The following ABCB7 variants were observed in gnomAD, a reference collection of about 807,000 sequenced individuals.
ABCB7 encodes iron-sulfur clusters transporter ABCB7, mitochondrial.
ABCB7 carries 7 observed loss-of-function variants against 54.4 expected under a neutral mutation model. That is an observed-to-expected ratio of 0.13 (90% CI 0.07 to 0.24). The LOEUF (loss-of-function observed/expected upper bound fraction) is 0.24. Among genes scored for constraint, ABCB7 ranks in the 10% least tolerant of loss-of-function variants. The pLI is 1.00. For missense variants in ABCB7, 356 were observed against 570.4 expected (o/e 0.62, Z 3.83); for synonymous variants, 218 against 207.1 (o/e 1.05, Z -0.45).
intron 4 of ABCB7, among the ~76,000 whole-genome samples, chrX:75,077,026 T>C (rs2081416060): frequency 8.9e-6 from 1 of 112,236 alleles, no homozygotes; most frequent in Admixed American, 9.5e-5. Context: ...TATATTTCCC[T>C]TTCCTACTGG....
chrX:75,072,480 G>A (rs987819970), intron 8 of ABCB7, among the ~76,000 whole-genome samples: 4 of 111,809 alleles, frequency 3.6e-5, no homozygotes, highest in African/African-American at 9.7e-5. Flanking sequence ...TGTATAGCAC[G>A]TTACTATATT....
chrX:75,149,541 G>T (rs2082116766), intron 1 of ABCB7, among the ~76,000 whole-genome samples: 2 of 111,296 alleles, frequency 1.8e-5, no homozygotes, highest in Admixed American at 9.5e-5. Context: ...TTAGATTTTT[G>T]CTTTGGTTTG....
chrX:75,114,434 A>C (rs1438507428), intron 2 of ABCB7, among the ~76,000 whole-genome samples: 2 of 112,309 alleles, frequency 1.8e-5, no homozygotes, highest in African/African-American at 6.5e-5. Flanking sequence ...TAAAAAACAT[A>C]AAGCATTTCA....
chrX:75,119,096 T>C (rs1271833158), intron 1 of ABCB7, among the ~76,000 whole-genome samples: 3 of 112,008 alleles, frequency 2.7e-5, no homozygotes, highest in Non-Finnish European at 5.7e-5. Context: ...ATAACAAAAG[T>C]TTAGATCAAA....
rs2081193894 is a variant in ABCB7 at position 75,051,087 on chromosome X, C to T, written c.*2283G>A. Among the ~76,000 whole-genome samples the T allele has an allele frequency of 9.2e-6, 1 of 108,827 alleles. No homozygotes were observed. Among genetic ancestry groups the T allele is most frequent in the Non-Finnish European group, 1.9e-5 (1 of 52,316 alleles). 94.5% of individuals were successfully genotyped at this position (108,827 alleles called of 115,157 possible). A position where few individuals can be genotyped will look rare whatever the true frequency, so the allele number is the denominator to read the frequency against. The stretch of plus-strand genomic sequence containing the variant: ...ACTGGTTTATTAAAAGTACTCACCC[C>T]ACCCCCAGAAGAGCAGTAACAACTA... On this transcript the variant is annotated 3_prime_UTR_variant, in exon 16 of 16. Transcript: ENST00000373394.
At chrX:75,116,150 C>G (rs2081816336) in intron 1 of ABCB7, among the ~76,000 whole-genome samples, 1 of 111,588 alleles carries the variant, frequency 9.0e-6, no homozygotes, top group African/African-American at 3.3e-5. Context: ...CATTCACCAT[C>G]TTTATCTCTG....
intron 1 of ABCB7, among the ~76,000 whole-genome samples, chrX:75,145,968 A>G (rs1466191999): frequency 1.8e-5 from 2 of 112,038 alleles, no homozygotes; most frequent in Non-Finnish European, 3.8e-5. Flanking sequence ...ATTAAAATAA[A>G]AAGATAAAAA....
intron 1 of ABCB7, among the ~76,000 whole-genome samples, chrX:75,144,584 G>A (rs1396095717): frequency 9.9e-6 from 1 of 101,152 alleles, no homozygotes; most frequent in African/African-American, 3.6e-5. Flanking sequence ...ATTATTAAAA[G>A]TATAGGTTAT....
At chrX:75,146,920 T>C (rs1294110997) in intron 1 of ABCB7, among the ~76,000 whole-genome samples, 1 of 27,525 alleles carries the variant, frequency 3.6e-5, no homozygotes, top group Non-Finnish European at 1.1e-4. Flanking sequence ...AAATTATGCG[T>C]CCAACAAAGC....
intron 4 of ABCB7, among the ~76,000 whole-genome samples, chrX:75,077,993 A>C (rs1354395927): frequency 1.9e-5 from 2 of 105,011 alleles, no homozygotes; most frequent in Non-Finnish European, 3.9e-5. Context: ...GGCTCACTGC[A>C]AACTCCGCCT....
intron 1 of ABCB7, among the ~76,000 whole-genome samples, chrX:75,122,533 A>G (rs1205221453): frequency 8.9e-6 from 1 of 112,571 alleles, no homozygotes; most frequent in East Asian, 2.8e-4. Flanking sequence ...TTGTGCCTAT[A>G]AATAGAAGAG....
intron 15 of ABCB7, 36 bp from the exon 16 acceptor site, chrX:75,053,621 T>C: frequency 8.6e-7 from 1 of 1,165,437 alleles, no homozygotes; most frequent in South Asian, 1.9e-5. Context: ...CGGAGAAAGG[T>C]CATTTAACTA....
At chrX:75,117,445 A>C (rs1327741024) in intron 1 of ABCB7, among the ~76,000 whole-genome samples, 1 of 110,612 alleles carries the variant, frequency 9.0e-6, no homozygotes, top group Non-Finnish European at 1.9e-5. Context: ...TAGGAGTGTT[A>C]AGAGTTTCTC....
In ABCB7 at chrX:75,087,273, G is replaced by C. The variant is rs2081505595; in HGVS notation, c.454-10619C>G. Among the ~76,000 whole-genome samples the C allele has an allele frequency of 6.3e-5, 7 of 111,820 alleles. No homozygotes were observed. In the Admixed American group the frequency reaches 6.7e-4, roughly 11 times the overall value. ...TCCCAGGCTGAGCCCCAATTTTGGG[G>C]TTTGCCTGCATTAAGGGTACTCAGA... is the stretch of plus-strand genomic sequence containing the variant. On this transcript the variant is annotated intron_variant, in intron 4 of 15. Transcript: ENST00000373394.
At position 75,052,015 on chromosome X, in the gene ABCB7, G is replaced by A. The variant is rs2081199028; in HGVS notation, c.*1355C>T. ...TCTTTAAAGAAAAATGTGTAGTTTT[G>A]TCCAAAACAAAAACAGTGCCTCATA... On this transcript the variant is annotated 3_prime_UTR_variant, in exon 16 of 16. Transcript: ENST00000373394. The A allele has an allele frequency of 8.9e-6, 1 of 111,983 alleles. No individual in the cohort carries two copies. The highest frequency in any genetic ancestry group is 1.9e-5 in the Non-Finnish European group (1 of 53,204). 9.2% of individuals were successfully genotyped at this position (111,983 alleles called of 1,213,427 possible). A position where few individuals can be genotyped will look rare whatever the true frequency, so the allele number is the denominator to read the frequency against.
chrX:75,107,050 G>C (rs1466244586), intron 3 of ABCB7, among the ~76,000 whole-genome samples: 1 of 110,842 alleles, frequency 9.0e-6, no homozygotes, highest in Non-Finnish European at 1.9e-5. Context: ...GAGCATCTCT[G>C]GGTGCTGGAA....
rs189577807 is a variant in ABCB7 at position 75,150,690 on chromosome X, A to G, written c.168+5415T>C. ...AATGTAAAGCATAAGAATCGTATAC[A>G]GAATGGGCAATTTTATCTCTTATTA... On this transcript the variant is annotated intron_variant, in intron 1 of 15. Transcript: ENST00000373394. Among the ~76,000 whole-genome samples the G allele has an allele frequency of 7.5e-4, 84 of 111,795 alleles. 1 individual carries two copies. The highest frequency in any genetic ancestry group is 2.6e-3 in the African/African-American group (80 of 30,805).
At chrX:75,121,919 C>G (rs979614921) in intron 1 of ABCB7, among the ~76,000 whole-genome samples, 1 of 111,396 alleles carries the variant, frequency 9.0e-6, no homozygotes, top group African/African-American at 3.3e-5. Flanking sequence ...GAGACCCTCA[C>G]AGTTAGGCAG....
intron 15 of ABCB7, among the ~76,000 whole-genome samples, chrX:75,055,559 A>C (rs868119652): frequency 0.012 from 1,191 of 97,017 alleles, 25 homozygotes; most frequent in African/African-American, 0.049. Context: ...CTACCAAAAA[A>C]AAAAAAAAAA....
Sources: allele counts gnomAD v4.1 joint callset (sites outside exome capture counted in the v4.1 genomes callset), GRCh38; gene constraint gnomAD v4.1.1; transcripts MANE v1.5; gene names NCBI Gene and HGNC (gene_info 2026-07-23, HGNC 2026-07-21).